The following SLC9A1 variants were observed in gnomAD, a reference collection of about 807,000 sequenced individuals.
SLC9A1 encodes the protein sodium/hydrogen exchanger 1.
SLC9A1 carries 22 observed loss-of-function variants against 67.9 expected under a neutral mutation model. The ratio of observed to expected loss-of-function variants is 0.32; its 90% CI spans 0.23 to 0.46. SLC9A1 has a LOEUF of 0.46. SLC9A1 is among the 20% of genes least tolerant of loss of function. The probability of loss-of-function intolerance (pLI) is 1.00; values close to 1 mark genes in which losing one functional copy is unlikely to be tolerated. For missense variants in SLC9A1, 686 were observed against 1,094.8 expected (o/e 0.63, Z 5.27); for synonymous variants, 421 against 471.8 (o/e 0.89, Z 1.40).
At chr1:27,151,026 C>T (rs557934258) in intron 1 of SLC9A1, among the ~76,000 whole-genome samples, 7 of 152,136 alleles carry the variant, frequency 4.6e-5, no homozygotes, top group African/African-American at 7.2e-5. Flanking sequence ...TGGCCTCAGC[C>T]CCCCACCCTT....
chr1:27,099,415 G>A lies in SLC9A1; in HGVS notation c.*892C>T, dbSNP rs1046141744. 1 of 153,050 alleles carries A rather than the reference G, an allele frequency of 6.5e-6. No homozygotes were observed. The highest frequency in any genetic ancestry group is 2.4e-5 in the African/African-American group (1 of 41,472). 9.5% of individuals were successfully genotyped at this position (153,050 alleles called of 1,614,324 possible). A position where few individuals can be genotyped will look rare whatever the true frequency, so the allele number is the denominator to read the frequency against. Reference sequence around the variant, plus strand: ...GAGCCCAGCAGGCAGAGAGACGTGGGGGAGGGGTTGGACAGACAGGCACAG... The same window carrying A: ...GAGCCCAGCAGGCAGAGAGACGTGGAGGAGGGGTTGGACAGACAGGCACAG... On this transcript the variant is annotated 3_prime_UTR_variant, in exon 12 of 12. Coordinates refer to ENST00000263980, the MANE Select transcript of SLC9A1 (RefSeq NM_003047.5).
rs752074168 is a variant in SLC9A1 at position 27,102,574 on chromosome 1, G to A, written c.1647-16C>T. ...CCGGTTGAGCCTGGTGGGAGGAGGA[G>A]GGAGACGGATGGCGCCAGCTTCCAG... On this transcript the variant is annotated splice_polypyrimidine_tract_variant and intron_variant, in intron 7 of 11. Coordinates refer to ENST00000263980, the MANE Select transcript of SLC9A1 (RefSeq NM_003047.5). The A allele has an allele frequency of 2.5e-6, 4 of 1,609,108 alleles. No homozygotes were observed. Among genetic ancestry groups the A allele is most frequent in the Non-Finnish European group, 2.5e-6 (3 of 1,176,914 alleles).
Position 27,154,084 on chromosome 1 carries a change from T to G in SLC9A1, c.251A>C (p.Lys84Thr), listed in dbSNP as rs750802570. The stretch of plus-strand genomic sequence containing the variant: ...CAGGACTGGAAAGGCCTTGCGCGGC[T>G]TCATGCCATGATCAGTGACGGAATG... Reference protein sequence around the residue: ...VNHSVTDHGMKPRKAFPVLGI... With the variant: ...VNHSVTDHGMTPRKAFPVLGI... Residue 84 changes from lysine to threonine, a missense_variant, in exon 1 of 12, where the codon AAG becomes ACG. Physicochemically the swap from Lys to Thr is moderately conservative, Grantham distance 78 (BLOSUM62 -1). Around this residue, in one of 7 missense-constraint regions of SLC9A1, gnomAD observed 143 missense variants for 166.7 expected, o/e 0.86. Coordinates refer to ENST00000263980, the MANE Select transcript of SLC9A1 (RefSeq NM_003047.5). The G allele has an allele frequency of 7.0e-5, 113 of 1,613,898 alleles. 1 individual carries two copies. In the South Asian group the frequency reaches 7.0e-4, roughly 10 times the overall value.
At position 27,114,017 on chromosome 1, in the gene SLC9A1, T is replaced by G. The variant is rs1451676838; in HGVS notation, c.622A>C (p.Met208Leu). The stretch of plus-strand genomic sequence containing the variant: ...CCGCCCACCAGGCACACGGCGTACA[T>G]GAGGCCGCCCAGGAAGAAGGCGTTC... ...LWNAFFLGGL[M>L]YAVCLVGGEQ... The change falls in exon 2 of 12, where the codon ATG becomes CTG. Residue 208 changes from methionine to leucine, a missense_variant. Met to Leu is a conservative substitution (Grantham distance 15). Around this residue, in one of 7 missense-constraint regions of SLC9A1, gnomAD observed 49 missense variants for 73.1 expected, o/e 0.67. Transcript: ENST00000263980. This position sits in a 1 kb window ranked among gnomAD's most constrained non-coding sequence, Gnocchi z 5.4. 1 of 1,614,012 alleles carries G rather than the reference T, an allele frequency of 6.2e-7. No individual in the cohort carries two copies. Among genetic ancestry groups the G allele is most frequent in the Non-Finnish European group, 8.5e-7 (1 of 1,180,050 alleles).
chr1:27,102,793 T>G, intron 6 of SLC9A1, 50 bp from the exon 7 acceptor site: 1 of 1,518,956 alleles, frequency 6.6e-7, no homozygotes, highest in Non-Finnish European at 9.1e-7. Flanking sequence ...GCGCCTTCCC[T>G]ACCAAGACCT....
chr1:27,143,368 A>G (rs1342554117), intron 1 of SLC9A1, among the ~76,000 whole-genome samples: 9 of 152,006 alleles, frequency 5.9e-5, no homozygotes, highest in African/African-American at 1.4e-4. Flanking sequence ...TGAACCACAC[A>G]ATTTCCCACC....
Position 27,154,076 on chromosome 1 carries a change from T to G in SLC9A1, c.259A>C (p.Lys87Gln), listed in dbSNP as rs2083549628. The G allele has an allele frequency of 6.2e-7, 1 of 1,613,616 alleles. No individual in the cohort carries two copies. The highest frequency in any genetic ancestry group is 8.5e-7 in the Non-Finnish European group (1 of 1,179,738). Residue 87 changes from lysine (K) to glutamine (Q), a missense_variant, in exon 1 of 12, where the codon AAG becomes CAG. Lys to Gln is a moderately conservative substitution (Grantham distance 53, BLOSUM62 1). Transcript: ENST00000263980. ...TCGATGCCCAGGACTGGAAAGGCCT[T>G]GCGCGGCTTCATGCCATGATCAGTG... ...SVTDHGMKPR[K>Q]AFPVLGIDYT...
rs1440404246 is a variant in SLC9A1, at chr1:27,118,256, G to A, written c.353-3970C>T. ...CTGGGCCTGAGGGGAGGGCCGGGCC[G>A]GGCCAGGCTGAGGAGAAAGGTCTGA... On this transcript the variant is annotated intron_variant, in intron 1 of 11. Coordinates refer to ENST00000263980, the MANE Select transcript of SLC9A1 (RefSeq NM_003047.5). The surrounding 1 kb of genome is among the most constrained non-coding windows in gnomAD (Gnocchi z 4.3). Among the ~76,000 whole-genome samples, 5 of 152,184 alleles carry A rather than the reference G, an allele frequency of 3.3e-5. No homozygotes were observed. The highest frequency in any genetic ancestry group is 7.3e-5 in the Non-Finnish European group (5 of 68,032).
In SLC9A1 at chr1:27,100,529, T is replaced by C; in HGVS notation, c.2226A>G (p.Leu742=). Residue 742 remains leucine (L), a synonymous_variant, in exon 12 of 12, where the codon TTA becomes TTG. Transcript: ENST00000263980. The surrounding 1 kb of genome is among the most constrained non-coding windows in gnomAD (Gnocchi z 5.6). ...LVNEELKGKV[L]GLSRDPAKVA... ...CCTTTGCAGGATCCCGGCTCAACCC[T>C]AAGACTTTGCCCTTCAGCTCTTCAT... 3 of 1,614,050 alleles carry C rather than the reference T, an allele frequency of 1.9e-6. No homozygotes were observed. The highest frequency in any genetic ancestry group is 2.5e-6 in the Non-Finnish European group (3 of 1,179,926).
Position 27,102,108 on chromosome 1 carries a change from G to A in SLC9A1, c.1843C>T (p.Pro615Ser). 1 of 1,613,930 alleles carries A rather than the reference G, an allele frequency of 6.2e-7. No homozygotes were observed. Among genetic ancestry groups the A allele is most frequent in the Non-Finnish European group, 8.5e-7 (1 of 1,179,890 alleles). The change falls in exon 9 of 12, where the codon CCT (proline) becomes TCT (serine). Residue 615 changes from proline to serine, a missense_variant. Pro to Ser is a moderately conservative substitution (Grantham distance 74). Around this residue, in one of 7 missense-constraint regions of SLC9A1, gnomAD observed 226 missense variants for 282.4 expected, o/e 0.80. Transcript: ENST00000263980. ...SMQNIHPKSL[P>S]SERILPALSK... is the part of the protein sequence containing the mutation. ...AGTGCTGGCAGGATGCGCTCGGAAG[G>A]CAGGGACTTGGGGTGGATGTTCCTG...
chr1:27,099,578 T>G lies in SLC9A1; in HGVS notation c.*729A>C, dbSNP rs1008197350. The G allele has an allele frequency of 2.0e-5, 3 of 152,552 alleles. No individual in the cohort carries two copies. The highest frequency in any genetic ancestry group is 7.2e-5 in the African/African-American group (3 of 41,406). The allele number at this position is 152,552 out of a possible 1,614,324, so 9.4% of individuals were successfully genotyped here. On this transcript the variant is annotated 3_prime_UTR_variant, in exon 12 of 12. Transcript: ENST00000263980. ...ATATAGGAGTGTGAACAAACAAAAC[T>G]TAAAAAGGCAGCACATTCTGGAGCC... is the stretch of plus-strand genomic sequence containing the variant.
chr1:27,110,583 T>A (rs2083221198), intron 2 of SLC9A1, among the ~76,000 whole-genome samples: 1 of 152,220 alleles, frequency 6.6e-6, no homozygotes, highest in South Asian at 2.1e-4. Flanking sequence ...AGCCCTTTGA[T>A]AGTCTTTATC....
At chr1:27,113,790 C>T (rs765433554) in intron 2 of SLC9A1, 36 bp downstream of exon 2, 15 of 1,539,220 alleles carry the variant, frequency 9.7e-6, no homozygotes, top group Middle Eastern at 1.7e-4. Context: ...TGGGTTTGTA[C>T]CGTTTGGACA....
At chr1:27,131,938 G>GGA (rs1553119549) in intron 1 of SLC9A1, among the ~76,000 whole-genome samples, 1 of 35,030 alleles carries the variant, frequency 2.9e-5, no homozygotes, top group African/African-American at 1.1e-4. Flanking sequence ...AGAAGAAGAA[G>GGA]AAAAAAAAAA....
chr1:27,138,936 A>G (rs1557432104), intron 1 of SLC9A1, among the ~76,000 whole-genome samples: 1 of 152,056 alleles, frequency 6.6e-6, no homozygotes, highest in Non-Finnish European at 1.5e-5. Context: ...ACAGCAGTGG[A>G]GCCGCAAGAC....
At chr1:27,127,353 T>C (rs2083352709) in intron 1 of SLC9A1, among the ~76,000 whole-genome samples, 1 of 152,082 alleles carries the variant, frequency 6.6e-6, no homozygotes, top group Admixed American at 6.6e-5. Flanking sequence ...GTGGAAATCA[T>C]TACTTAGATG....
chr1:27,113,707 C>T (rs770437819), intron 2 of SLC9A1, 119 bp downstream of exon 2: 13 of 781,770 alleles, frequency 1.7e-5, no homozygotes, highest in Admixed American at 7.3e-5. Context: ...ATACGGGAAG[C>T]GGGAATGTGC....
At position 27,101,106 on chromosome 1, in the gene SLC9A1, G is replaced by A; in HGVS notation, c.2110+97C>T. The A allele has an allele frequency of 2.1e-6, 2 of 935,340 alleles. No homozygotes were observed. The highest frequency in any genetic ancestry group is 3.3e-6 in the Non-Finnish European group (2 of 603,364). 57.9% of individuals were successfully genotyped at this position (935,340 alleles called of 1,614,324 possible). A position where few individuals can be genotyped will look rare whatever the true frequency, so the allele number is the denominator to read the frequency against. On this transcript the variant is annotated intron_variant, in intron 11 of 11. Transcript: ENST00000263980. The surrounding 1 kb of genome is among the most constrained non-coding windows in gnomAD (Gnocchi z 4.9). ...CCTGAGGTCAGCGAGGGCCAGGCCTGTCCTCCCAGTGGCTGAGGACTGTTC... is the reference window on the plus strand; with the variant it reads ...CCTGAGGTCAGCGAGGGCCAGGCCTATCCTCCCAGTGGCTGAGGACTGTTC...
chr1:27,125,240 T>TC (rs1216009662), intron 1 of SLC9A1, among the ~76,000 whole-genome samples: 66 of 125,678 alleles, frequency 5.3e-4, no homozygotes, highest in African/African-American at 1.4e-3. Context: ...TTTCTTTCTT[T>TC]TTTTTTTTTT....
Sources: gnomAD v4.1 joint callset for allele counts (sites outside exome capture counted in the v4.1 genomes callset) on GRCh38, gnomAD v4.1.1 for gene constraint, gnomAD v4.1.1 regional missense constraint, Gnocchi (gnomAD v3.1) non-coding constraint, MANE v1.5 for transcripts, NCBI Gene and HGNC (gene_info 2026-07-23, HGNC 2026-07-21) for gene names.